NEBL: variants seen among roughly 807,000 people sequenced by gnomAD.
NEBL encodes the protein nebulette, also known as LIM and SH3 protein 2.
A neutral mutation model predicts 140.2 loss-of-function variants in NEBL; 122 were observed. That is an observed-to-expected ratio of 0.87 (90% CI 0.75 to 1.01). The LOEUF is 1.01. Ranked by LOEUF, NEBL falls within the 50% of genes least tolerant of loss-of-function variation. The probability of loss-of-function intolerance (pLI) is 0.00; values close to 1 mark genes in which losing one functional copy is unlikely to be tolerated. For missense variants in NEBL, 1,365 were observed against 1,231.3 expected (o/e 1.11, Z -1.62); for synonymous variants, 436 against 398.9 (o/e 1.09, Z -1.11).
In NEBL at chr10:20,850,514, A is replaced by G; in HGVS notation, c.1009-12T>C. 6.5e-7 allele frequency: 1 copy of G among 1,532,326 alleles called. No individual in the cohort carries two copies. The highest frequency in any genetic ancestry group is 1.1e-5 in the South Asian group (1 of 89,454). The allele number at this position is 1,532,326 out of a possible 1,614,324, so 94.9% of individuals were successfully genotyped here. ...TCTTTATATTTCACCTTCATTGGAA[A>G]AAGAAAAGCATATACAAATCGAAAG... On this transcript the variant is annotated splice_polypyrimidine_tract_variant and intron_variant, in intron 10 of 27. Transcript: ENST00000377122.
At chr10:21,029,928 G>T in intron 2 of NEBL, 1 of 589,630 alleles carries the variant, frequency 1.7e-6, no homozygotes, top group Non-Finnish European at 3.2e-6. Flanking sequence ...ATGATGGGTC[G>T]TGCAGCTCCA....
chr10:21,062,602 G>A (rs961867845), intron 2 of NEBL, among the ~76,000 whole-genome samples: 2 of 152,008 alleles, frequency 1.3e-5, no homozygotes, highest in African/African-American at 2.4e-5. Context: ...CAGGAGGATC[G>A]CTTGAGCCCA....
At chr10:21,027,244 G>A (rs547745190) in intron 2 of NEBL, among the ~76,000 whole-genome samples, 7 of 151,550 alleles carry the variant, frequency 4.6e-5, no homozygotes, top group Admixed American at 1.3e-4. Flanking sequence ...CCCTTTGTGC[G>A]TAACAGGCTT....
intron 3 of NEBL, among the ~76,000 whole-genome samples, chr10:21,181,263 CAAA>C (rs35619848): frequency 7.9e-6 from 1 of 126,040 alleles, no homozygotes; most frequent in Non-Finnish European, 1.7e-5. Flanking sequence ...AACTCTGTCT[CAAA>C]AAAAAAAAAA....
rs373043594 is a variant in NEBL, at chr10:20,972,225, A to G, written c.250-10446T>C. ...CTGTCCTAAATCTCAAAGTCTCGTC[A>G]CAGCTGATAAAAGTGACAGATTATT... is the stretch of plus-strand genomic sequence containing the variant. On this transcript the variant is annotated intron_variant, in intron 3 of 6. Transcript: ENST00000417816. Among the ~76,000 whole-genome samples, 11 of 152,352 alleles carry G rather than the reference A, an allele frequency of 7.2e-5. No individual in the cohort carries two copies. The East Asian group carries it at 2.1e-3, about 29-fold the overall frequency.
At chr10:20,826,400 T>G in intron 18 of NEBL, 47 bp downstream of exon 18, 1 of 1,424,942 alleles carries the variant, frequency 7.0e-7, no homozygotes, top group African/African-American at 1.4e-5. Context: ...TTGTCTATAG[T>G]TTTGGTTTGC....
At chr10:21,258,201 T>A (rs1842688459) in intron 1 of NEBL, among the ~76,000 whole-genome samples, 1 of 152,140 alleles carries the variant, frequency 6.6e-6, no homozygotes. Context: ...GGCGGGAGGA[T>A]GGCTGGAGCC....
intron 2 of NEBL, among the ~76,000 whole-genome samples, chr10:21,039,602 G>C (rs1365909470): frequency 6.6e-6 from 1 of 152,126 alleles, no homozygotes; most frequent in Admixed American, 6.6e-5. Flanking sequence ...TTATGTAAAA[G>C]ATTCAGTAAC....
chr10:21,257,121 G>A (rs1008478844), intron 1 of NEBL, among the ~76,000 whole-genome samples: 1 of 152,176 alleles, frequency 6.6e-6, no homozygotes, highest in Non-Finnish European at 1.5e-5. Context: ...CTTTCTCACA[G>A]TATTATCTAT....
At chr10:20,990,360 A>C (rs896087937) in intron 3 of NEBL, among the ~76,000 whole-genome samples, 2 of 152,178 alleles carry the variant, frequency 1.3e-5, no homozygotes, top group African/African-American at 4.8e-5. Context: ...TTTGAAGGTG[A>C]TGGCCTTCGG....
chr10:21,224,892 T>C (rs1842123347), intron 3 of NEBL, among the ~76,000 whole-genome samples: 1 of 152,198 alleles, frequency 6.6e-6, no homozygotes, highest in Admixed American at 6.5e-5. Flanking sequence ...TCATCTCCAG[T>C]AGTTTTTTGG....
intron 2 of NEBL, among the ~76,000 whole-genome samples, chr10:21,060,706 C>T (rs1186032142): frequency 1.3e-5 from 2 of 152,040 alleles, no homozygotes; most frequent in African/African-American, 4.8e-5. Context: ...CCTTCTCTAA[C>T]TCCTCTGTTT....
intron 4 of NEBL, among the ~76,000 whole-genome samples, chr10:20,909,218 C>T (rs1848227377): frequency 6.6e-6 from 1 of 151,686 alleles, no homozygotes; most frequent in Admixed American, 6.6e-5. Flanking sequence ...CACCCTGTTG[C>T]TATCAAATAG....
chr10:21,207,996 T>C (rs1841856349), intron 3 of NEBL, among the ~76,000 whole-genome samples: 1 of 152,146 alleles, frequency 6.6e-6, no homozygotes. Context: ...CACTGCACAG[T>C]AACAAACCAA....
intron 2 of NEBL, among the ~76,000 whole-genome samples, chr10:21,109,629 T>C (rs1050937083): frequency 6.6e-6 from 1 of 152,154 alleles, no homozygotes; most frequent in Non-Finnish European, 1.5e-5. Flanking sequence ...CATCTGGTCC[T>C]GGACTTTTTT....
intron 24 of NEBL, among the ~76,000 whole-genome samples, chr10:20,810,789 T>C (rs537101081): frequency 6.6e-6 from 1 of 152,364 alleles, no homozygotes; most frequent in South Asian, 2.1e-4. Context: ...ACAATTAATT[T>C]GTAAAATGGA....
At chr10:21,060,597 T>C (rs1418380618) in intron 2 of NEBL, among the ~76,000 whole-genome samples, 1 of 149,928 alleles carries the variant, frequency 6.7e-6, no homozygotes, top group Non-Finnish European at 1.5e-5. Context: ...ATTTATCTCA[T>C]TTTTTTTAAA....
intron 21 of NEBL, chr10:20,815,971 T>C: frequency 2.2e-6 from 1 of 444,528 alleles, no homozygotes; most frequent in South Asian, 2.2e-5. Flanking sequence ...TTTTGCCATG[T>C]TGTCCAAGCT....
At chr10:20,866,220 G>A (rs1474101223) in intron 7 of NEBL, among the ~76,000 whole-genome samples, 1 of 152,046 alleles carries the variant, frequency 6.6e-6, no homozygotes, top group Non-Finnish European at 1.5e-5. Flanking sequence ...CTGGGAAGGG[G>A]GCGTTGGGGA....
Sources: allele counts gnomAD v4.1 joint callset (sites outside exome capture counted in the v4.1 genomes callset), GRCh38; gene constraint gnomAD v4.1.1; transcripts MANE v1.5; gene names NCBI Gene and HGNC (gene_info 2026-07-23, HGNC 2026-07-21).